The following EEF2KMT variants were observed in gnomAD, a reference collection of about 807,000 sequenced individuals.
The protein encoded by EEF2KMT is eukaryotic elongation factor 2 lysine methyltransferase.
EEF2KMT carries 30 observed loss-of-function variants against 35.1 expected under a neutral mutation model. The ratio of observed to expected loss-of-function variants is 0.85; its 90% CI spans 0.64 to 1.16. The LOEUF (loss-of-function observed/expected upper bound fraction) is 1.16, where lower values mean the gene tolerates loss of function less well. Among genes scored for constraint, EEF2KMT ranks in the 50% most tolerant of loss-of-function variants. EEF2KMT has a pLI of 0.00. For missense variants in EEF2KMT, 499 were observed against 438.2 expected, an observed-to-expected ratio of 1.14 and a Z score of -1.24; for synonymous variants, 190 against 187.7, an observed-to-expected ratio of 1.01 and a Z score of -0.10.
chr16:5,095,612 TGG>T (rs1957442780), intron 1 of EEF2KMT, 98 bp from the exon 2 acceptor site: 1 of 1,575,008 alleles, frequency 6.3e-7, no homozygotes, highest in South Asian at 1.1e-5. Context: ...GATCCCTCCC[TGG>T]GGACGTGGAG....
At position 5,089,026 on chromosome 16, in the gene EEF2KMT, C is replaced by T. The variant is rs569550129; in HGVS notation, c.892+81G>A. Reference sequence around the variant, plus strand: ...GTGGGGCAACCTAGCTTTTCCCCGGCACCCAGTTCTTTCACTTCCACTGGC... The same window carrying T: ...GTGGGGCAACCTAGCTTTTCCCCGGTACCCAGTTCTTTCACTTCCACTGGC... On this transcript the variant is annotated intron_variant, in intron 7 of 7. Transcript: ENST00000427587. 9.4e-4 allele frequency: 1,503 copies of T among 1,604,288 alleles called. 2 individuals are homozygous for T. Among genetic ancestry groups the T allele is most frequent in the Non-Finnish European group, 1.2e-3 (1,358 of 1,179,502 alleles).
rs957568943 is a variant in EEF2KMT, at chr16:5,085,040, C to T, written c.*592G>A. The stretch of plus-strand genomic sequence containing the variant: ...TGGTAAAAGAATTGGTTCTGTGACC[C>T]GGGAAGCTTTGGTTGGCCTTGATTT... On this transcript the variant is annotated 3_prime_UTR_variant, in exon 8 of 8. Coordinates refer to ENST00000427587, the MANE Select transcript of EEF2KMT (RefSeq NM_201400.4). 3.3e-5 allele frequency: 46 copies of T among 1,383,226 alleles called. No individual in the cohort carries two copies. The highest frequency in any genetic ancestry group is 1.0e-4 in the Admixed American group (5 of 50,074). The allele number at this position is 1,383,226 out of a possible 1,614,324, so 85.7% of individuals were successfully genotyped here.
intron 6 of EEF2KMT, among the ~76,000 whole-genome samples, chr16:5,089,780 T>C (rs1957300810): frequency 6.6e-6 from 1 of 152,142 alleles, no homozygotes; most frequent in Non-Finnish European, 1.5e-5. Flanking sequence ...CCTGTCTTCG[T>C]CCCAGAAGTG....
At chr16:5,097,341 G>T (rs756554256) in intron 1 of EEF2KMT, 1 of 1,423,876 alleles carries the variant, frequency 7.0e-7, no homozygotes, top group Non-Finnish European at 9.3e-7. Flanking sequence ...CCAGTGACCA[G>T]AACGATTACT....
intron 3 of EEF2KMT, among the ~76,000 whole-genome samples, chr16:5,092,499 C>T (rs1957361285): frequency 6.6e-6 from 1 of 152,126 alleles, no homozygotes; most frequent in Admixed American, 6.6e-5. Context: ...TGCTGGTGAC[C>T]ACAGATGCAT....
Position 5,090,479 on chromosome 16 carries a change from G to T in EEF2KMT, c.429C>A (p.Leu143=). Residue 143 remains leucine, a synonymous_variant, in exon 5 of 8, where the codon CTC becomes CTA. Transcript: ENST00000427587. The surrounding 1 kb of genome is among the most constrained non-coding windows in gnomAD (Gnocchi z 4.1). ...TTGLVTWDAA[L]YLAEWAIENP... ...TCTCGATGGCCCATTCTGCAAGGTAGAGGGCGGCGTCCCATGTGACCAGGC... is the reference window on the plus strand; with the variant it reads ...TCTCGATGGCCCATTCTGCAAGGTATAGGGCGGCGTCCCATGTGACCAGGC... 1 of 1,612,048 alleles carries T rather than the reference G, an allele frequency of 6.2e-7. No homozygotes were observed.
intron 3 of EEF2KMT, among the ~76,000 whole-genome samples, chr16:5,092,252 T>A (rs1181656316): frequency 6.6e-6 from 1 of 152,042 alleles, no homozygotes; most frequent in Admixed American, 6.6e-5. Flanking sequence ...AGACAAGGAT[T>A]CCGTGAGAGT....
In EEF2KMT at chr16:5,090,545, T is replaced by C. The variant is rs959717703; in HGVS notation, c.363A>G (p.Thr121=). The change falls in exon 5 of 8, where the codon ACA becomes ACG. Residue 121 remains threonine, a synonymous_variant. Coordinates refer to ENST00000427587, the MANE Select transcript of EEF2KMT (RefSeq NM_201400.4). The surrounding 1 kb of genome is among the most constrained non-coding windows in gnomAD (Gnocchi z 4.1). ...SYLLPSGGSV[T]LSESTAIISY... ...AGATGATGGCCGTGCTCTCGGAGAG[T>C]GTGACCGAGCCTCCCGAGGGCTGCA... The C allele has an allele frequency of 1.9e-6, 3 of 1,611,328 alleles. No homozygotes were observed. The highest frequency in any genetic ancestry group is 4.5e-5 in the East Asian group (2 of 44,848).
In EEF2KMT at chr16:5,090,547, T is replaced by C. The variant is rs113774193; in HGVS notation, c.361A>G (p.Thr121Ala). ...SYLLPSGGSVTLSESTAIISY... is the reference protein window; with the variant it reads ...SYLLPSGGSVALSESTAIISY... ...ATGATGGCCGTGCTCTCGGAGAGTG[T>C]GACCGAGCCTCCCGAGGGCTGCACC... is the stretch of plus-strand genomic sequence containing the variant. The change falls in exon 5 of 8, where the codon ACA (threonine) becomes GCA (alanine). Residue 121 changes from threonine to alanine, a missense_variant. Coordinates refer to ENST00000427587, the MANE Select transcript of EEF2KMT (RefSeq NM_201400.4). This position sits in a 1 kb window ranked among gnomAD's most constrained non-coding sequence, Gnocchi z 4.1. 1.6e-4 allele frequency: 253 copies of C among 1,611,936 alleles called. 1 individual carries two copies. The African/African-American group carries it at 2.6e-3, about 16-fold the overall frequency.
At chr16:5,091,236 C>G (rs1347535205) in intron 4 of EEF2KMT, among the ~76,000 whole-genome samples, 1 of 152,302 alleles carries the variant, frequency 6.6e-6, no homozygotes, top group South Asian at 2.1e-4. Flanking sequence ...TGCCCACTAC[C>G]ACACCCCGCT....
chr16:5,084,554 G>C lies in EEF2KMT; in HGVS notation c.*1078C>G. On this transcript the variant is annotated 3_prime_UTR_variant, in exon 8 of 8. Transcript: ENST00000427587. Reference sequence around the variant, plus strand: ...AAGTGTGGGAAAGTGGGACATGCGGGGAAGTTTCCAGAAACTGTGATGTCA... The same window carrying C: ...AAGTGTGGGAAAGTGGGACATGCGGCGAAGTTTCCAGAAACTGTGATGTCA... 1 of 874,726 alleles carries C rather than the reference G, an allele frequency of 1.1e-6. No individual in the cohort carries two copies. The highest frequency in any genetic ancestry group is 1.6e-5 in the South Asian group (1 of 62,442). 54.2% of individuals were successfully genotyped at this position (874,726 alleles called of 1,614,324 possible). A position where few individuals can be genotyped will look rare whatever the true frequency, so the allele number is the denominator to read the frequency against.
chr16:5,084,963 C>G lies in EEF2KMT; in HGVS notation c.*669G>C. ...CTTGGAGTCTCAGGGCAAACCCTTT[C>G]GAGCAGCACCTCCCAGTGGCCAGAA... is the stretch of plus-strand genomic sequence containing the variant. On this transcript the variant is annotated 3_prime_UTR_variant, in exon 8 of 8. Transcript: ENST00000427587. 1.3e-6 allele frequency: 2 copies of G among 1,554,276 alleles called. No homozygotes were observed. The highest frequency in any genetic ancestry group is 2.2e-5 in the East Asian group (1 of 44,814).
At position 5,085,172 on chromosome 16, in the gene EEF2KMT, T is replaced by A; in HGVS notation, c.*460A>T. On this transcript the variant is annotated 3_prime_UTR_variant, in exon 8 of 8. Coordinates refer to ENST00000427587, the MANE Select transcript of EEF2KMT (RefSeq NM_201400.4). The stretch of plus-strand genomic sequence containing the variant: ...GACTTCCCTGTGACCTCTGCAGAAC[T>A]CCTCATCCTGCGTTTGGTCTCCAGG... The A allele has an allele frequency of 1.7e-6, 1 of 589,978 alleles. No homozygotes were observed. The highest frequency in any genetic ancestry group is 3.0e-6 in the Non-Finnish European group (1 of 336,086). 36.5% of individuals were successfully genotyped at this position (589,978 alleles called of 1,614,324 possible).
At chr16:5,089,455 C>T (rs1385510854) in intron 6 of EEF2KMT, 199 bp from the exon 7 acceptor site, 20 of 768,792 alleles carry the variant, frequency 2.6e-5, no homozygotes, top group African/African-American at 1.1e-4. Flanking sequence ...TGCAAAAGAC[C>T]GAAGCAAAAG....
rs1957389494 is a variant in EEF2KMT, at chr16:5,093,577, A to G, written c.160-13T>C. On this transcript the variant is annotated splice_polypyrimidine_tract_variant and intron_variant, in intron 2 of 7. Coordinates refer to ENST00000427587, the MANE Select transcript of EEF2KMT (RefSeq NM_201400.4). Reference sequence around the variant, plus strand: ...GATGCTTCACAGTCTACGGCAAAGGACAGAACGTTGGTTGCTCGAGAGCCC... The same window carrying G: ...GATGCTTCACAGTCTACGGCAAAGGGCAGAACGTTGGTTGCTCGAGAGCCC... 6.2e-7 allele frequency: 1 copy of G among 1,611,864 alleles called. No individual in the cohort carries two copies. The highest frequency in any genetic ancestry group is 1.3e-5 in the African/African-American group (1 of 74,860).
chr16:5,084,413 A>G lies in EEF2KMT; in HGVS notation c.*1219T>C. The G allele has an allele frequency of 2.0e-6, 1 of 495,212 alleles. No individual in the cohort carries two copies. The highest frequency in any genetic ancestry group is 3.7e-6 in the Non-Finnish European group (1 of 270,904). 30.7% of individuals were successfully genotyped at this position (495,212 alleles called of 1,614,324 possible). A position where few individuals can be genotyped will look rare whatever the true frequency, so the allele number is the denominator to read the frequency against. On this transcript the variant is annotated 3_prime_UTR_variant, in exon 8 of 8. Transcript: ENST00000427587. ...ACAGTTTAGCAAGGCTGCAAAGAAC[A>G]CCGACACCCCCTTGTTACCCACAGA...
chr16:5,094,358 G>A (rs1957407075), intron 2 of EEF2KMT, among the ~76,000 whole-genome samples: 1 of 152,214 alleles, frequency 6.6e-6, no homozygotes. Context: ...TGCCTCCTGG[G>A]TTCAAGCGAT....
intron 7 of EEF2KMT, among the ~76,000 whole-genome samples, chr16:5,088,858 T>C (rs1171957518): frequency 6.6e-6 from 1 of 152,186 alleles, no homozygotes; most frequent in Non-Finnish European, 1.5e-5. Flanking sequence ...TAGGGAACCC[T>C]GCTCTGAAGC....
intron 2 of EEF2KMT, 33 bp downstream of exon 2, chr16:5,095,419 G>C (rs777129442): frequency 6.2e-7 from 1 of 1,610,830 alleles, no homozygotes; most frequent in Non-Finnish European, 8.5e-7. Flanking sequence ...CAGGAGGCAG[G>C]GTCATGAGTC....
Sources: allele counts gnomAD v4.1 joint callset (sites outside exome capture counted in the v4.1 genomes callset), GRCh38; gene constraint gnomAD v4.1.1; non-coding constraint Gnocchi (gnomAD v3.1); transcripts MANE v1.5; gene names NCBI Gene and HGNC (gene_info 2026-07-23, HGNC 2026-07-21).